Variants in CKAP5 observed in about 807,000 individuals in gnomAD.
CKAP5 encodes cytoskeleton-associated protein 5.
CKAP5 carries 27 observed loss-of-function variants against 232.8 expected under a neutral mutation model. The observed-to-expected ratio is 0.12, with a 90% CI of 0.09 to 0.16. The LOEUF (loss-of-function observed/expected upper bound fraction) is 0.16. CKAP5 is among the 10% of genes least tolerant of loss of function. CKAP5 has a pLI of 1.00. For missense variants in CKAP5, 1,838 were observed against 2,424.7 expected, an observed-to-expected ratio of 0.76 and a Z score of 5.08; for synonymous variants, 785 against 841.1, an observed-to-expected ratio of 0.93 and a Z score of 1.16.
At chr11:46,814,238 TGA>T (rs939395087) in intron 4 of CKAP5, among the ~76,000 whole-genome samples, 6 of 151,756 alleles carry the variant, frequency 4.0e-5, no homozygotes, top group African/African-American at 1.5e-4. Flanking sequence ...ATAACTAAGA[TGA>T]GTCACTAAAT....
rs776238591 is a variant in CKAP5 at position 46,762,695 on chromosome 11, T to C, written c.3959A>G (p.Tyr1320Cys). 5 of 1,613,972 alleles carry C rather than the reference T, an allele frequency of 3.1e-6. No homozygotes were observed. The African/African-American group carries it at 6.7e-5, about 22-fold the overall frequency. ...RAILNRMCLV[Y>C]PASKMFPFIM... ...AAAGGGAAACATCTTGCTAGCTGGG[T>C]AGACAAGGCACATCCGGTTCAGGAT... The change falls in exon 31 of 44, where the codon TAC (tyrosine) becomes TGC (cysteine). Residue 1320 changes from tyrosine to cysteine, a missense_variant. Tyr to Cys is a radical substitution (Grantham distance 194, BLOSUM62 -2). This residue lies in a region of CKAP5 where 579 missense variants were observed against 843.2 expected (regional missense o/e 0.69). Coordinates refer to ENST00000529230, the MANE Select transcript of CKAP5 (RefSeq NM_001008938.4).
chr11:46,782,676 G>C (rs1304507127), intron 18 of CKAP5, among the ~76,000 whole-genome samples: 1 of 152,156 alleles, frequency 6.6e-6, no homozygotes, highest in Non-Finnish European at 1.5e-5. Context: ...ACTATGATGG[G>C]CCCAAATTAC....
At chr11:46,759,214 T>G (rs560164730) in intron 34 of CKAP5, 55 bp downstream of exon 34, 2 of 1,556,180 alleles carry the variant, frequency 1.3e-6, no homozygotes, top group Admixed American at 3.7e-5. Context: ...ACATTTCACG[T>G]AGGCCGTCTG....
chr11:46,818,411 TA>T lies in CKAP5; in HGVS notation c.149del (p.Leu50Ter). On this transcript the variant is annotated frameshift_variant, in exon 3 of 44. Coordinates refer to ENST00000529230, the MANE Select transcript of CKAP5 (RefSeq NM_001008938.4). LOFTEE classifies it high-confidence loss of function. ...CAGTGACAAATTTTTTGATCAATCC[TA>T]AAAATTTGGACCACTCTGGGCTCTT... ...DEKSPEWSKF[L>X]GLIKKFVTDS... 1 of 1,612,134 alleles carries T rather than the reference TA, an allele frequency of 6.2e-7. No homozygotes were observed. The highest frequency in any genetic ancestry group is 1.1e-5 in the South Asian group (1 of 90,732).
At chr11:46,806,323 A>G (rs1306327182) in intron 8 of CKAP5, among the ~76,000 whole-genome samples, 1 of 152,208 alleles carries the variant, frequency 6.6e-6, no homozygotes, top group South Asian at 2.1e-4. Context: ...AAAACACATA[A>G]TATTAATGAT....
Position 46,801,228 on chromosome 11 carries a change from C to T in CKAP5, c.1055G>A (p.Arg352Lys). ...TCCTGCATATTGTCCAAATTTCTTC[C>T]TTAGCCCAACAGCCAGGCCAGTAAG... is the stretch of plus-strand genomic sequence containing the variant. ...KCLTGLAVGLRKKFGQYAGHV... is the reference protein window; with the variant it reads ...KCLTGLAVGLKKKFGQYAGHV... The change falls in exon 9 of 44, where the codon AGG (arginine) becomes AAG (lysine). Residue 352 changes from arginine (R) to lysine (K), a missense_variant. By Grantham distance (26) the Arg-to-Lys change is conservative. Around this residue, in one of 6 missense-constraint regions of CKAP5, gnomAD observed 97 missense variants for 167.7 expected, o/e 0.58. Coordinates refer to ENST00000529230, the MANE Select transcript of CKAP5 (RefSeq NM_001008938.4). 1 of 1,613,630 alleles carries T rather than the reference C, an allele frequency of 6.2e-7. No homozygotes were observed. The highest frequency in any genetic ancestry group is 8.5e-7 in the Non-Finnish European group (1 of 1,179,612).
At position 46,778,691 on chromosome 11, in the gene CKAP5, C is replaced by T. The variant is rs972217434; in HGVS notation, c.2434-92G>A. 4.0e-6 allele frequency: 4 copies of T among 1,001,766 alleles called. No homozygotes were observed. The African/African-American group carries it at 4.8e-5, about 12-fold the overall frequency. 62.1% of individuals were successfully genotyped at this position (1,001,766 alleles called of 1,614,324 possible). On this transcript the variant is annotated intron_variant, in intron 20 of 43. Coordinates refer to ENST00000529230, the MANE Select transcript of CKAP5 (RefSeq NM_001008938.4). ...AGGGTGCCTGTGTCAAACTCTCATT[C>T]CTTTGTAATACCTATTTACACAGTA... is the stretch of plus-strand genomic sequence containing the variant.
chr11:46,799,987 T>C (rs2134654715), intron 9 of CKAP5, among the ~76,000 whole-genome samples: 1 of 151,478 alleles, frequency 6.6e-6, no homozygotes, highest in Admixed American at 6.6e-5. Context: ...GGTGACAAAG[T>C]GAGACCCTGT....
At chr11:46,763,239 T>C (rs2065171054) in intron 29 of CKAP5, 60 bp from the exon 30 acceptor site, 8 of 1,332,096 alleles carry the variant, frequency 6.0e-6, no homozygotes, top group Non-Finnish European at 7.3e-6. Context: ...TTAATTCTAC[T>C]AGGCAAGTGT....
At chr11:46,795,271 T>G (rs1055609472) in intron 13 of CKAP5, among the ~76,000 whole-genome samples, 1 of 151,310 alleles carries the variant, frequency 6.6e-6, no homozygotes, top group Non-Finnish European at 1.5e-5. Flanking sequence ...GAGGTTGCAG[T>G]GAGCCAAGAT....
intron 23 of CKAP5, among the ~76,000 whole-genome samples, chr11:46,776,714 C>T (rs149021441): frequency 2.3e-3 from 355 of 152,228 alleles, no homozygotes; most frequent in African/African-American, 8.2e-3. Flanking sequence ...CCATGTCTGT[C>T]TGCTAAAGAA....
At chr11:46,793,294 T>G (rs79167034) in intron 13 of CKAP5, among the ~76,000 whole-genome samples, 2,134 of 152,326 alleles carry the variant, frequency 0.014, 14 homozygotes, top group Non-Finnish European at 0.022. Context: ...TCACTAAATA[T>G]CAGTTCTCTT....
chr11:46,768,682 A>T (rs1346893047), intron 26 of CKAP5, among the ~76,000 whole-genome samples: 1 of 151,480 alleles, frequency 6.6e-6, no homozygotes, highest in Non-Finnish European at 1.5e-5. Context: ...CCTGGGCTGA[A>T]GCGATCCTCC....
At chr11:46,800,178 AG>A (rs1338441202) in intron 9 of CKAP5, among the ~76,000 whole-genome samples, 1 of 152,192 alleles carries the variant, frequency 6.6e-6, no homozygotes, top group African/African-American at 2.4e-5. Context: ...CTATAAAAAT[AG>A]ATTTTAATTT....
intron 24 of CKAP5, among the ~76,000 whole-genome samples, chr11:46,774,442 C>CCCAT (rs1420806812): frequency 2.0e-5 from 3 of 152,154 alleles, no homozygotes; most frequent in Admixed American, 6.5e-5. Context: ...CAGTGCTATT[C>CCCAT]CCATCAAGCT....
chr11:46,838,736 G>A (rs577954998), intron 1 of CKAP5, among the ~76,000 whole-genome samples: 2 of 117,542 alleles, frequency 1.7e-5, no homozygotes, highest in African/African-American at 6.5e-5. Flanking sequence ...GAAGGTTGCA[G>A]TAAGCAGAGA....
At chr11:46,832,435 T>G (rs1437624683) in intron 1 of CKAP5, among the ~76,000 whole-genome samples, 1 of 152,224 alleles carries the variant, frequency 6.6e-6, no homozygotes, top group African/African-American at 2.4e-5. Context: ...TGTAGAAAGC[T>G]CTACTCTAGA....
intron 2 of CKAP5, among the ~76,000 whole-genome samples, chr11:46,818,911 A>C (rs1294329908): frequency 6.6e-6 from 1 of 152,158 alleles, no homozygotes; most frequent in Non-Finnish European, 1.5e-5. Flanking sequence ...AGGTAGCTTT[A>C]TATTACACTG....
chr11:46,746,319 AG>A (rs2065021436), intron 42 of CKAP5, among the ~76,000 whole-genome samples: 1 of 152,232 alleles, frequency 6.6e-6, no homozygotes, highest in Non-Finnish European at 1.5e-5. Flanking sequence ...TCCTGTGAGC[AG>A]TAATTCTCGA....
Sources: allele counts gnomAD v4.1 joint callset (sites outside exome capture counted in the v4.1 genomes callset), GRCh38; gene constraint gnomAD v4.1.1; regional missense constraint gnomAD v4.1.1; transcripts MANE v1.5; gene names NCBI Gene and HGNC (gene_info 2026-07-23, HGNC 2026-07-21).